The following TSGA10 variants were observed in gnomAD, a reference collection of about 807,000 sequenced individuals.
TSGA10 encodes testis specific 10.
A neutral mutation model predicts 96.6 loss-of-function variants in TSGA10; 43 were observed. That is an observed-to-expected ratio of 0.44 (90% CI 0.35 to 0.57). TSGA10 has a LOEUF of 0.57. Ranked by LOEUF, TSGA10 falls within the 20% of genes least tolerant of loss-of-function variation. TSGA10 has a pLI of 0.01. For missense variants in TSGA10, 703 were observed against 834.4 expected, an observed-to-expected ratio of 0.84 and a Z score of 1.94; for synonymous variants, 229 against 269.9, an observed-to-expected ratio of 0.85 and a Z score of 1.48.
chr2:99,129,941 T>C (rs979256113), intron 1 of TSGA10, among the ~76,000 whole-genome samples: 3 of 152,146 alleles, frequency 2.0e-5, no homozygotes, highest in Non-Finnish European at 2.9e-5. Context: ...TCCAGCTTCA[T>C]CCATGTCCCT....
chr2:99,069,913 A>C (rs902214327), intron 14 of TSGA10, among the ~76,000 whole-genome samples: 1 of 152,102 alleles, frequency 6.6e-6, no homozygotes, highest in Non-Finnish European at 1.5e-5. Flanking sequence ...AGTGAAAAAA[A>C]AATCGTGCTA....
At chr2:99,022,761 A>G (rs1170801933) in intron 17 of TSGA10, among the ~76,000 whole-genome samples, 1 of 152,204 alleles carries the variant, frequency 6.6e-6, no homozygotes, top group East Asian at 1.9e-4. Flanking sequence ...AGGAACTGAC[A>G]AAATGTTTTA....
rs537574600 is a variant in TSGA10 at position 99,055,478 on chromosome 2, C to CA, written c.1404+9460dup. Among the ~76,000 whole-genome samples the CA allele has an allele frequency of 3.7e-3, 489 of 133,390 alleles. 4 individuals carry two copies. Among genetic ancestry groups the CA allele is most frequent in the Middle Eastern group, 0.019 (5 of 264 alleles). 87.5% of individuals were successfully genotyped at this position (133,390 alleles called of 152,430 possible). A position where few individuals can be genotyped will look rare whatever the true frequency, so the allele number is the denominator to read the frequency against. ...GGGTAGATCTTAAATGTTCTCACCACAAAAAAAAAAATGGCAAGCATATGA... is the reference window on the plus strand; with the variant it reads ...GGGTAGATCTTAAATGTTCTCACCACAAAAAAAAAAAATGGCAAGCATATGA... On this transcript the variant is annotated intron_variant, in intron 16 of 20. Coordinates refer to ENST00000393483, the MANE Select transcript of TSGA10 (RefSeq NM_025244.4).
At chr2:99,102,522 T>C (rs1375484174) in intron 10 of TSGA10, 7 of 1,614,016 alleles carry the variant, frequency 4.3e-6, no homozygotes, top group Non-Finnish European at 5.9e-6. Context: ...ATTTTACTTG[T>C]TTGATGAGAT....
chr2:99,009,782 C>A (rs191087814), intron 20 of TSGA10, among the ~76,000 whole-genome samples: 88 of 152,080 alleles, frequency 5.8e-4, no homozygotes, highest in African/African-American at 2.0e-3. Context: ...AAGGATGAAA[C>A]CTGTGGGCAT....
chr2:99,117,737 T>C lies in TSGA10; in HGVS notation c.-333A>G. On this transcript the variant is annotated 5_prime_UTR_variant, in exon 4 of 21. Coordinates refer to ENST00000393483, the MANE Select transcript of TSGA10 (RefSeq NM_025244.4). ...CCTAACATATTCTTCCAAGCCATGA[T>C]TTGTCTGTTTGAGATCTTCAATCTG... 1 of 985,802 alleles carries C rather than the reference T, an allele frequency of 1.0e-6. No homozygotes were observed. The highest frequency in any genetic ancestry group is 1.2e-6 in the Non-Finnish European group (1 of 829,910). The allele number at this position is 985,802 out of a possible 1,614,324, so 61.1% of individuals were successfully genotyped here. A position where few individuals can be genotyped will look rare whatever the true frequency, so the allele number is the denominator to read the frequency against.
chr2:99,144,589 C>T (rs2093612450), intron 1 of TSGA10, among the ~76,000 whole-genome samples: 1 of 135,250 alleles, frequency 7.4e-6, no homozygotes, highest in African/African-American at 2.8e-5. Context: ...GCAGAGGTTG[C>T]GGTAAGCCGA....
intron 3 of TSGA10, 70 bp downstream of exon 3, chr2:99,118,481 A>ATATATACGTATATATATATG: frequency 1.8e-6 from 1 of 547,444 alleles, no homozygotes; most frequent in Non-Finnish European, 2.3e-6. Context: ...ATATATACAT[A>ATATATACGTATATATATATG]TATATATACG....
At chr2:99,130,458 T>G (rs903523289) in intron 1 of TSGA10, among the ~76,000 whole-genome samples, 2 of 152,262 alleles carry the variant, frequency 1.3e-5, no homozygotes, top group East Asian at 3.8e-4. Flanking sequence ...CTTTGCCCAC[T>G]TTTTGATGGG....
At chr2:99,047,385 C>A (rs188211106) in intron 16 of TSGA10, among the ~76,000 whole-genome samples, 4 of 152,038 alleles carry the variant, frequency 2.6e-5, no homozygotes, top group African/African-American at 4.8e-5. Flanking sequence ...CATGATCAAG[C>A]GGGCTTCATC....
At chr2:99,033,212 C>A (rs111739022) in intron 17 of TSGA10, among the ~76,000 whole-genome samples, 4 of 152,168 alleles carry the variant, frequency 2.6e-5, no homozygotes, top group African/African-American at 9.7e-5. Context: ...CTGAACTTAA[C>A]AACGTTTTGC....
At chr2:99,027,804 TATTTTCCTATGGATGGGCTGC>T (rs762418976) in intron 17 of TSGA10, among the ~76,000 whole-genome samples, 2 of 152,202 alleles carry the variant, frequency 1.3e-5, no homozygotes, top group Admixed American at 6.5e-5. Context: ...TTGTTTGCTT[TATTTTCCTATGGATGGGCTGC>T]ATTTTCCTGG....
intron 10 of TSGA10, among the ~76,000 whole-genome samples, chr2:99,090,762 G>C (rs948610898): frequency 1.3e-5 from 2 of 152,104 alleles, no homozygotes; most frequent in African/African-American, 4.8e-5. Flanking sequence ...AAGCTTCCAA[G>C]AAGTTTTGGA....
chr2:99,071,874 T>C lies in TSGA10; in HGVS notation c.939A>G (p.Arg313=). The change falls in exon 14 of 21, where the codon AGA becomes AGG. Residue 313 remains arginine, a splice_region_variant and synonymous_variant. Coordinates refer to ENST00000393483, the MANE Select transcript of TSGA10 (RefSeq NM_025244.4). The part of the protein sequence containing the change: ...NIIAEMEQAS[R]QCTEALIVCE... ...ACACAATTAGGGCCTCAGTACACTG[T>C]CTATTCCACAAATCAAAGAGTACAT... 6 of 1,608,954 alleles carry C rather than the reference T, an allele frequency of 3.7e-6. No individual in the cohort carries two copies. Among genetic ancestry groups the C allele is most frequent in the Non-Finnish European group, 5.1e-6 (6 of 1,178,344 alleles).
At chr2:99,023,192 T>G (rs2104977107) in intron 17 of TSGA10, among the ~76,000 whole-genome samples, 1 of 152,050 alleles carries the variant, frequency 6.6e-6, no homozygotes, top group South Asian at 2.1e-4. Context: ...TAGAGATGGG[T>G]TTTTGCCATG....
chr2:99,037,902 G>C (rs1199811282), intron 16 of TSGA10, among the ~76,000 whole-genome samples: 1 of 151,924 alleles, frequency 6.6e-6, no homozygotes, highest in African/African-American at 2.4e-5. Flanking sequence ...TAAGATCTGT[G>C]AGGCAAAAGC....
At chr2:98,999,483 G>A (rs908143193) in intron 20 of TSGA10, among the ~76,000 whole-genome samples, 4 of 152,098 alleles carry the variant, frequency 2.6e-5, no homozygotes, top group African/African-American at 9.7e-5. Context: ...GTCAGTCAAA[G>A]GACACCATTT....
At chr2:99,148,529 C>T (rs1357942710) in intron 1 of TSGA10, among the ~76,000 whole-genome samples, 1 of 152,188 alleles carries the variant, frequency 6.6e-6, no homozygotes, top group East Asian at 1.9e-4. Context: ...TTGTTATAAA[C>T]ACTGATATTC....
chr2:99,069,635 CAATA>C (rs3069288), intron 14 of TSGA10, among the ~76,000 whole-genome samples: 21 of 145,902 alleles, frequency 1.4e-4, no homozygotes, highest in East Asian at 4.0e-4. Flanking sequence ...CCCAACTCTA[CAATA>C]AATAAATAAA....
Sources: allele counts gnomAD v4.1 joint callset (sites outside exome capture counted in the v4.1 genomes callset), GRCh38; gene constraint gnomAD v4.1.1; transcripts MANE v1.5; gene names NCBI Gene and HGNC (gene_info 2026-07-23, HGNC 2026-07-21).